The following SNTG1 variants were observed in gnomAD, a reference collection of about 807,000 sequenced individuals.
SNTG1 encodes the protein syntrophin gamma 1, also known as gamma-1-syntrophin.
SNTG1 carries 39 observed loss-of-function variants against 74.7 expected under a neutral mutation model. That is an observed-to-expected ratio of 0.52 (90% CI 0.40 to 0.68). The LOEUF is 0.68. SNTG1 is among the 30% of genes least tolerant of loss of function. The pLI is 0.00. For synonymous variants in SNTG1, 254 were observed against 217.1 expected, an observed-to-expected ratio of 1.17 and a Z score of -1.49; for missense variants, 685 against 609.5, an observed-to-expected ratio of 1.12 and a Z score of -1.30.
intron 1 of SNTG1, among the ~76,000 whole-genome samples, chr8:50,026,151 G>A (rs1399633390): frequency 6.6e-6 from 1 of 152,112 alleles, no homozygotes; most frequent in Admixed American, 6.6e-5. Context: ...CACGCATTCT[G>A]TTTATGTATA....
At chr8:50,598,789 CA>C (rs1401450589) in intron 13 of SNTG1, among the ~76,000 whole-genome samples, 2 of 151,796 alleles carry the variant, frequency 1.3e-5, no homozygotes, top group Non-Finnish European at 2.9e-5. Flanking sequence ...AGAGATCTTT[CA>C]TTTTTCTGGC....
At chr8:50,633,730 C>A (rs1006047075) in intron 13 of SNTG1, among the ~76,000 whole-genome samples, 3 of 152,132 alleles carry the variant, frequency 2.0e-5, no homozygotes, top group Non-Finnish European at 2.9e-5. Flanking sequence ...ACCCCAAATT[C>A]TATGGCGCTG....
intron 2 of SNTG1, among the ~76,000 whole-genome samples, chr8:50,268,314 T>C (rs972930015): frequency 1.3e-5 from 2 of 152,188 alleles, no homozygotes; most frequent in Non-Finnish European, 2.9e-5. Context: ...TAATGGAAGA[T>C]TCAGCACAGT....
intron 1 of SNTG1, among the ~76,000 whole-genome samples, chr8:49,930,358 G>C (rs1361192426): frequency 6.6e-6 from 1 of 151,996 alleles, no homozygotes; most frequent in Non-Finnish European, 1.5e-5. Flanking sequence ...ACTATTAATA[G>C]ATTGTGAGAA....
At chr8:50,543,938 T>C (rs902691090) in intron 11 of SNTG1, among the ~76,000 whole-genome samples, 1 of 152,114 alleles carries the variant, frequency 6.6e-6, no homozygotes, top group African/African-American at 2.4e-5. Flanking sequence ...ACATTGAGCC[T>C]CTTTTTATGT....
intron 4 of SNTG1, among the ~76,000 whole-genome samples, chr8:50,409,548 T>G (rs1406330007): frequency 6.6e-6 from 1 of 152,176 alleles, no homozygotes; most frequent in African/African-American, 2.4e-5. Flanking sequence ...GCATGGCCGT[T>G]GTCAGATAGA....
rs3086088 is a variant in SNTG1, at chr8:50,164,092, C to CTTTTTTTTTTTTTTTT, written c.-102-8459_-102-8444dup. ...AGACTTTGATAGAAAGACACAATTT[C>CTTTTTTTTTTTTTTTT]TTTTTTTTTTTTTTTTTTTTTTTTT... On this transcript the variant is annotated intron_variant, in intron 1 of 18. Coordinates refer to ENST00000642720, the MANE Select transcript of SNTG1 (RefSeq NM_018967.5). 165 of 71,994 alleles carry CTTTTTTTTTTTTTTTT rather than the reference C, an allele frequency of 2.3e-3. 1 individual carries two copies. The highest frequency in any genetic ancestry group is 3.2e-3 in the Non-Finnish European group (116 of 36,572). 4.5% of individuals were successfully genotyped at this position (71,994 alleles called of 1,614,324 possible).
rs894999934 is a variant in SNTG1 at position 50,587,815 on chromosome 8, A to C, written c.811-3064A>C. On this transcript the variant is annotated intron_variant, in intron 12 of 18. Transcript: ENST00000642720. ...TTCGTCTCAAAAAAAAAAAGAAAAG[A>C]AAAAGAAAAAAAAATTTAGCGGCTC... Among the ~76,000 whole-genome samples, 8 of 150,540 alleles carry C rather than the reference A, an allele frequency of 5.3e-5. No homozygotes were observed. In the East Asian group the frequency reaches 1.6e-3, roughly 30 times the overall value.
chr8:50,296,354 G>C (rs1384133192), intron 2 of SNTG1, among the ~76,000 whole-genome samples: 2 of 152,118 alleles, frequency 1.3e-5, no homozygotes, highest in Non-Finnish European at 2.9e-5. Flanking sequence ...CAAAGACTTG[G>C]AACCAACCCA....
intron 17 of SNTG1, among the ~76,000 whole-genome samples, chr8:50,734,362 TACTC>T (rs908871514): frequency 7.3e-5 from 11 of 151,662 alleles, no homozygotes; most frequent in African/African-American, 1.9e-4. Flanking sequence ...TCTAGCAAAA[TACTC>T]AGTATATACT....
intron 2 of SNTG1, among the ~76,000 whole-genome samples, chr8:50,253,617 G>GGT (rs35398981): frequency 2.6e-4 from 39 of 150,678 alleles, no homozygotes; most frequent in African/African-American, 7.1e-4. Flanking sequence ...AAGAAAATGT[G>GGT]GTGTGTGTGT....
chr8:50,102,998 C>A (rs2080207272), intron 1 of SNTG1, among the ~76,000 whole-genome samples: 1 of 151,600 alleles, frequency 6.6e-6, no homozygotes, highest in African/African-American at 2.4e-5. Context: ...TAGTGTGATG[C>A]CTCCAGCTTT....
intron 15 of SNTG1, among the ~76,000 whole-genome samples, chr8:50,703,960 T>G (rs2095434939): frequency 1.3e-5 from 2 of 152,302 alleles, no homozygotes; most frequent in South Asian, 2.1e-4. Flanking sequence ...TTGCTTCACT[T>G]TTTTTTCTCA....
intron 4 of SNTG1, among the ~76,000 whole-genome samples, chr8:50,407,438 C>G (rs150902296): frequency 1.1e-3 from 164 of 152,208 alleles, no homozygotes; most frequent in African/African-American, 3.5e-3. Context: ...GCAGTTTACT[C>G]ATGAGGGAGA....
At chr8:50,774,665 A>G (rs1189338946) in intron 18 of SNTG1, among the ~76,000 whole-genome samples, 1 of 151,850 alleles carries the variant, frequency 6.6e-6, no homozygotes, top group Non-Finnish European at 1.5e-5. Context: ...TACATAATTC[A>G]ATATAAGTGA....
At chr8:50,146,670 G>A (rs905524508) in intron 1 of SNTG1, among the ~76,000 whole-genome samples, 2 of 152,166 alleles carry the variant, frequency 1.3e-5, no homozygotes, top group Non-Finnish European at 2.9e-5. Context: ...TTGTCAATGT[G>A]TGAGGATTCC....
At chr8:50,148,561 C>T (rs1010498438) in intron 1 of SNTG1, among the ~76,000 whole-genome samples, 1 of 152,128 alleles carries the variant, frequency 6.6e-6, no homozygotes, top group Non-Finnish European at 1.5e-5. Flanking sequence ...TCCCCCCAAC[C>T]CAGAACAGGC....
At chr8:50,585,023 G>A (rs1328861283) in intron 12 of SNTG1, among the ~76,000 whole-genome samples, 3 of 152,088 alleles carry the variant, frequency 2.0e-5, no homozygotes, top group Non-Finnish European at 2.9e-5. Context: ...CATTGGCTCT[G>A]GGTCATTCAT....
chr8:50,377,354 A>T (rs1377778591), intron 2 of SNTG1, among the ~76,000 whole-genome samples: 3 of 152,196 alleles, frequency 2.0e-5, no homozygotes, highest in Non-Finnish European at 2.9e-5. Flanking sequence ...CTTCGTACAT[A>T]ATTTCAAGTT....
Sources: gnomAD v4.1 joint callset for allele counts (sites outside exome capture counted in the v4.1 genomes callset) on GRCh38, gnomAD v4.1.1 for gene constraint, MANE v1.5 for transcripts, NCBI Gene and HGNC (gene_info 2026-07-23, HGNC 2026-07-21) for gene names.